The following RUNX2 variants were observed in gnomAD, a reference collection of about 807,000 sequenced individuals.
The protein encoded by RUNX2 is runt-related transcription factor 2.
In RUNX2, 10 loss-of-function variants were observed where a neutral mutation model predicts 51.7. The observed-to-expected ratio is 0.19, with a 90% confidence interval of 0.12 to 0.33. The LOEUF (loss-of-function observed/expected upper bound fraction) is 0.33. Ranked by LOEUF, RUNX2 falls within the 10% of genes least tolerant of loss-of-function variation. The pLI is 1.00. For synonymous variants in RUNX2, 276 were observed against 273.6 expected (o/e 1.01, Z -0.09); for missense variants, 562 against 691.3 (o/e 0.81, Z 2.10).
Position 45,431,537 on chromosome 6 carries a change from TG to T in RUNX2, c.424-322del, listed in dbSNP as rs1288282947. ...TGATCTGTATGATGCAATCTGCAGA[TG>T]GGGCATCCCTCTTCCTTCTGTGGCA... On this transcript the variant is annotated intron_variant, in intron 3 of 8. Transcript: ENST00000647337. 2.0e-5 allele frequency among the ~76,000 whole-genome samples: 3 copies of T among 152,342 alleles called. No homozygotes were observed. The East Asian group carries it at 5.8e-4, about 29-fold the overall frequency.
At chr6:45,418,553 C>T (rs1295202084) in intron 2 of RUNX2, among the ~76,000 whole-genome samples, 1 of 152,182 alleles carries the variant, frequency 6.6e-6, no homozygotes, top group Non-Finnish European at 1.5e-5. Flanking sequence ...ATCAAGCAAA[C>T]TATAGCACAA....
intron 8 of RUNX2, 69 bp downstream of exon 8, chr6:45,545,351 C>T (rs777516144): frequency 1.2e-4 from 182 of 1,488,722 alleles, no homozygotes; most frequent in Non-Finnish European, 1.0e-4. Flanking sequence ...TGTTACTGTC[C>T]GATTTGTGAG....
intron 5 of RUNX2, among the ~76,000 whole-genome samples, chr6:45,459,697 G>A (rs1011773918): frequency 3.3e-5 from 5 of 152,184 alleles, no homozygotes; most frequent in Admixed American, 3.3e-4. Context: ...TTGAAAGAGG[G>A]AGACAATAAG....
chr6:45,485,625 T>G (rs1185254037), intron 5 of RUNX2, among the ~76,000 whole-genome samples: 2 of 150,278 alleles, frequency 1.3e-5, no homozygotes, highest in African/African-American at 2.4e-5. Flanking sequence ...TAGATTGATA[T>G]CACACACATA....
chr6:45,402,859 C>T (rs1469265918), intron 2 of RUNX2, among the ~76,000 whole-genome samples: 2 of 152,252 alleles, frequency 1.3e-5, no homozygotes, highest in African/African-American at 2.4e-5. Context: ...AGCTACAGAG[C>T]AAGACTCTGT....
At position 45,548,184 on chromosome 6, in the gene RUNX2, T is replaced by A. The variant is rs1439400653; in HGVS notation, c.*879T>A. On this transcript the variant is annotated 3_prime_UTR_variant, in exon 9 of 9. Coordinates refer to ENST00000647337, the MANE Select transcript of RUNX2 (RefSeq NM_001024630.4). Reference sequence around the variant, plus strand: ...TGAGGTAACTTGCTAACGTGAATGGTCATATAACTTTAAAGATATATTTAT... The same window carrying A: ...TGAGGTAACTTGCTAACGTGAATGGACATATAACTTTAAAGATATATTTAT... 6.6e-6 allele frequency: 1 copy of A among 152,592 alleles called. No individual in the cohort carries two copies. Among genetic ancestry groups the A allele is most frequent in the Non-Finnish European group, 1.5e-5 (1 of 68,040 alleles). 9.5% of individuals were successfully genotyped at this position (152,592 alleles called of 1,614,324 possible).
intron 2 of RUNX2, among the ~76,000 whole-genome samples, chr6:45,376,989 C>CAGT (rs1796880570): frequency 6.6e-6 from 1 of 151,870 alleles, no homozygotes; most frequent in Non-Finnish European, 1.5e-5. Flanking sequence ...TCCACGTGTA[C>CAGT]AGTAATACTA....
intron 2 of RUNX2, among the ~76,000 whole-genome samples, chr6:45,414,754 C>CTTTTTTTTTTTTTTTTTTTTT (rs34672680): frequency 6.0e-5 from 2 of 33,448 alleles, no homozygotes; most frequent in Admixed American, 6.3e-4. Context: ...CAGATCCTGG[C>CTTTTTTTTTTTTTTTTTTTTT]TTTTTTTTTT....
rs1450709520 is a variant in RUNX2 at position 45,530,069 on chromosome 6, G to A, written c.1022-15148G>A. ...TTCAGCCCATTTGCAGACTTTGCAA[G>A]CTAGTATTTGAGGTGTCAGCTTTGG... On this transcript the variant is annotated intron_variant, in intron 7 of 8. Coordinates refer to ENST00000647337, the MANE Select transcript of RUNX2 (RefSeq NM_001024630.4). Among the ~76,000 whole-genome samples the A allele has an allele frequency of 8.5e-5, 13 of 152,302 alleles. No individual in the cohort carries two copies. The East Asian group carries it at 2.3e-3, about 27-fold the overall frequency.
intron 2 of RUNX2, among the ~76,000 whole-genome samples, chr6:45,355,889 C>T (rs758763075): frequency 1.3e-5 from 2 of 152,032 alleles, no homozygotes; most frequent in African/African-American, 2.4e-5. Context: ...GATTGCCAGG[C>T]CAACCCCAAA....
At chr6:45,374,901 G>T (rs974801238) in intron 2 of RUNX2, among the ~76,000 whole-genome samples, 4 of 152,086 alleles carry the variant, frequency 2.6e-5, no homozygotes, top group Non-Finnish European at 5.9e-5. Context: ...CAGTAATTTT[G>T]TCACTGTTTT....
Position 45,450,360 on chromosome 6 carries a change from T to A in RUNX2, c.685+12309T>A, listed in dbSNP as rs75999826. 6.3e-3 allele frequency among the ~76,000 whole-genome samples: 965 copies of A among 152,286 alleles called. 8 individuals carry two copies. The highest frequency in any genetic ancestry group is 0.022 in the African/African-American group (903 of 41,562). Reference sequence around the variant, plus strand: ...CCTTTTTTTTGGTGACAATTAGAGATGTGTTTTAAAATGTAAATATTTCCG... The same window carrying A: ...CCTTTTTTTTGGTGACAATTAGAGAAGTGTTTTAAAATGTAAATATTTCCG... On this transcript the variant is annotated intron_variant, in intron 5 of 8. Coordinates refer to ENST00000647337, the MANE Select transcript of RUNX2 (RefSeq NM_001024630.4).
At chr6:45,486,294 T>C (rs1198889264) in intron 5 of RUNX2, among the ~76,000 whole-genome samples, 1 of 152,174 alleles carries the variant, frequency 6.6e-6, no homozygotes, top group Non-Finnish European at 1.5e-5. Flanking sequence ...GTGAACTCCT[T>C]GAGGGCAAGG....
chr6:45,403,196 G>A (rs1352304576), intron 2 of RUNX2, among the ~76,000 whole-genome samples: 2 of 150,318 alleles, frequency 1.3e-5, no homozygotes, highest in African/African-American at 2.4e-5. Flanking sequence ...ATGGGTTTAA[G>A]GTCTCTTCTT....
At chr6:45,358,649 C>T (rs1050414511) in intron 2 of RUNX2, among the ~76,000 whole-genome samples, 3 of 152,138 alleles carry the variant, frequency 2.0e-5, no homozygotes, top group East Asian at 3.8e-4. Flanking sequence ...ATTTAATCTT[C>T]GTACTAACCC....
intron 2 of RUNX2, among the ~76,000 whole-genome samples, chr6:45,397,231 G>C (rs904239697): frequency 6.6e-6 from 1 of 151,570 alleles, no homozygotes; most frequent in Non-Finnish European, 1.5e-5. Context: ...AGCCTCCCAA[G>C]TAGCTGGGAC....
chr6:45,507,294 A>G (rs926239339), intron 6 of RUNX2, among the ~76,000 whole-genome samples: 2 of 152,160 alleles, frequency 1.3e-5, no homozygotes, highest in African/African-American at 2.4e-5. Flanking sequence ...GTCGTTAATT[A>G]GTAGGTTTGT....
intron 2 of RUNX2, among the ~76,000 whole-genome samples, chr6:45,371,591 T>C (rs1397932312): frequency 2.0e-5 from 3 of 152,210 alleles, no homozygotes; most frequent in Non-Finnish European, 4.4e-5. Context: ...GCTTTAGTTT[T>C]TTCATTAGTA....
chr6:45,511,340 A>G (rs1475967213), intron 6 of RUNX2, among the ~76,000 whole-genome samples: 2 of 152,226 alleles, frequency 1.3e-5, no homozygotes, highest in Admixed American at 1.3e-4. Context: ...TATTATTACA[A>G]TGACTGTAGG....
Sources: allele counts gnomAD v4.1 joint callset (sites outside exome capture counted in the v4.1 genomes callset), GRCh38; gene constraint gnomAD v4.1.1; transcripts MANE v1.5; gene names NCBI Gene and HGNC (gene_info 2026-07-23, HGNC 2026-07-21).